The following CXCL2 variants were observed in gnomAD, a reference collection of about 807,000 sequenced individuals.
The protein encoded by CXCL2 is C-X-C motif chemokine ligand 2, also known as C-X-C motif chemokine 2.
Under a neutral mutation model 11.2 loss-of-function variants are expected in CXCL2, and 12 were observed. That is an observed-to-expected ratio of 1.08 (90% CI 0.69 to 1.74). CXCL2 has a LOEUF of 1.74. CXCL2 is among the 40% of genes most tolerant of loss of function. The pLI is 0.00. For missense variants in CXCL2, 120 were observed against 137.8 expected (o/e 0.87, Z 0.65); for synonymous variants, 68 against 61.9 (o/e 1.10, Z -0.47).
chr4:74,097,588 A>AATAC lies in CXCL2; in HGVS notation c.*167_*168insGTAT. Reference sequence around the variant, plus strand: ...AACATAGAATCTTCTAAAACAAACAAATAAATAAATAAATAAATAAATAGA... The same window carrying AATAC: ...AACATAGAATCTTCTAAAACAAACAAATACATAAATAAATAAATAAATAAATAGA... On this transcript the variant is annotated 3_prime_UTR_variant, in exon 4 of 4. Transcript: ENST00000508487. The AATAC allele has an allele frequency of 2.4e-6, 1 of 421,632 alleles. No individual in the cohort carries two copies. The highest frequency in any genetic ancestry group is 4.0e-5 in the East Asian group (1 of 24,816). The allele number at this position is 421,632 out of a possible 1,614,324, so 26.1% of individuals were successfully genotyped here.
rs930520676 is a variant in CXCL2, at chr4:74,099,004, A to G, written c.100+17T>C. On this transcript the variant is annotated intron_variant, in intron 1 of 3. Transcript: ENST00000508487. ...CAGCCGCGTCCGGCCCGGGGACCCC[A>G]GGGCGCCGGGACCCACCTGCTGCGC... 3.9e-6 allele frequency: 6 copies of G among 1,546,216 alleles called. No individual in the cohort carries two copies. In the African/African-American group the frequency reaches 7.2e-5, roughly 18 times the overall value.
In CXCL2 at chr4:74,098,600, C is replaced by T. The variant is rs747835145; in HGVS notation, c.308+1G>A. On this transcript the variant is annotated splice_donor_variant, in intron 3 of 3. Transcript: ENST00000508487. LOFTEE classifies it high-confidence loss of function. ...CTGTGTACATGGAAATTATAACTTA[C>T]TTTTTCAGCATCTTTTCGATGATTT... The T allele has an allele frequency of 2.5e-6, 4 of 1,613,972 alleles. No homozygotes were observed. The highest frequency in any genetic ancestry group is 1.6e-4 in the Middle Eastern group (1 of 6,062).
intron 3 of CXCL2, 107 bp downstream of exon 3, chr4:74,098,494 G>T (rs1361645549): frequency 1.7e-6 from 2 of 1,153,292 alleles, no homozygotes; most frequent in Non-Finnish European, 2.5e-6. Context: ...AATTTTTTCA[G>T]TCCTGCAGCT....
At position 74,098,917 on chromosome 4, in the gene CXCL2, G is replaced by A. The variant is rs1389831071; in HGVS notation, c.106C>T (p.Pro36Ser). Residue 36 changes from proline (P) to serine (S), a missense_variant, in exon 2 of 4, where the codon CCC (proline) becomes TCC (serine). Transcript: ENST00000508487. ...VAASRRAAGAPLATELRCQCL... is the reference protein window; with the variant it reads ...VAASRRAAGASLATELRCQCL... ...TGGCAGCGCAGTTCAGTGGCCAGGG[G>A]CGCTCCTAGGGAAGAAGAGACTCGC... 8.7e-6 allele frequency: 14 copies of A among 1,613,662 alleles called. No homozygotes were observed. The highest frequency in any genetic ancestry group is 1.1e-5 in the Non-Finnish European group (13 of 1,179,900).
Position 74,097,767 on chromosome 4 carries a change from T to C in CXCL2, c.313A>G (p.Lys105Glu). ...KIIEKMLKNG[K>E]SN Reference sequence around the variant, plus strand: ...CTCCTTCCTTCTGGTCAGTTGGATTTGCCACTGTAATGAGAAAATGGGTGC... The same window carrying C: ...CTCCTTCCTTCTGGTCAGTTGGATTCGCCACTGTAATGAGAAAATGGGTGC... The change falls in exon 4 of 4, where the codon AAA becomes GAA. Residue 105 changes from lysine (K) to glutamate (E), a missense_variant. Lys to Glu is a moderately conservative substitution (Grantham distance 56). Coordinates refer to ENST00000508487, the MANE Select transcript of CXCL2 (RefSeq NM_002089.4). The C allele has an allele frequency of 3.7e-6, 6 of 1,602,446 alleles. No individual in the cohort carries two copies. The highest frequency in any genetic ancestry group is 5.1e-6 in the Non-Finnish European group (6 of 1,172,924).
intron 3 of CXCL2, 36 bp from the exon 4 acceptor site, chr4:74,097,807 C>T (rs199904873): frequency 4.4e-6 from 7 of 1,574,294 alleles, no homozygotes; most frequent in Non-Finnish European, 6.0e-6. Context: ...AGTAGGTGCT[C>T]AGGAAAGCTG....
intron 3 of CXCL2, among the ~76,000 whole-genome samples, chr4:74,098,272 A>T (rs1282780278): frequency 6.6e-6 from 1 of 152,224 alleles, no homozygotes; most frequent in East Asian, 1.9e-4. Flanking sequence ...TCTGAAAGTC[A>T]GTAGGAACTA....
intron 1 of CXCL2, 47 bp downstream of exon 1, chr4:74,098,974 C>T (rs774070216): frequency 6.3e-7 from 1 of 1,590,968 alleles, no homozygotes; most frequent in Non-Finnish European, 8.5e-7. Context: ...GCGGGGCGCC[C>T]ACCCCAGCCG....
chr4:74,099,008 C>T lies in CXCL2; in HGVS notation c.100+13G>A. 3 of 1,538,378 alleles carry T rather than the reference C, an allele frequency of 2.0e-6. No homozygotes were observed. In the South Asian group the frequency reaches 3.7e-5, roughly 19 times the overall value. On this transcript the variant is annotated intron_variant, in intron 1 of 3. Transcript: ENST00000508487. ...CGCGTCCGGCCCGGGGACCCCAGGG[C>T]GCCGGGACCCACCTGCTGCGCGCCG...
rs1271330510 is a variant in CXCL2 at position 74,097,395 on chromosome 4, C to T, written c.*361G>A. The T allele has an allele frequency of 6.4e-6, 1 of 155,778 alleles. No individual in the cohort carries two copies. Among genetic ancestry groups the T allele is most frequent in the Non-Finnish European group, 1.4e-5 (1 of 70,490 alleles). 9.6% of individuals were successfully genotyped at this position (155,778 alleles called of 1,614,324 possible). A position where few individuals can be genotyped will look rare whatever the true frequency, so the allele number is the denominator to read the frequency against. On this transcript the variant is annotated 3_prime_UTR_variant, in exon 4 of 4. Coordinates refer to ENST00000508487, the MANE Select transcript of CXCL2 (RefSeq NM_002089.4). Reference sequence around the variant, plus strand: ...GTGGCTGACATGTGATATGTCATCACGAAGAAATATTAACAAATGACTAGA... The same window carrying T: ...GTGGCTGACATGTGATATGTCATCATGAAGAAATATTAACAAATGACTAGA...
Position 74,099,131 on chromosome 4 carries a change from A to C in CXCL2, c.-11T>G. On this transcript the variant is annotated 5_prime_UTR_variant, in exon 1 of 4. Coordinates refer to ENST00000508487, the MANE Select transcript of CXCL2 (RefSeq NM_002089.4). ...CGTGGCGCGGGCCATGGGGCTCAGC[A>C]GGCGGTTCGAGCGGCTGTGCGAGGA... 6.7e-6 allele frequency: 10 copies of C among 1,482,668 alleles called. No individual in the cohort carries two copies. The highest frequency in any genetic ancestry group is 8.9e-6 in the Non-Finnish European group (10 of 1,119,352). 91.8% of individuals were successfully genotyped at this position (1,482,668 alleles called of 1,614,324 possible).
rs1721333654 is a variant in CXCL2 at position 74,098,673 on chromosome 4, T to C, written c.236A>G (p.Lys79Arg). 4 of 1,614,176 alleles carry C rather than the reference T, an allele frequency of 2.5e-6. No individual in the cohort carries two copies. In the East Asian group the frequency reaches 6.7e-5, roughly 27 times the overall value. ...CAQTEVIATLKNGQKACLNPA... is the reference protein window; with the variant it reads ...CAQTEVIATLRNGQKACLNPA... ...GTTGAGACAAGCTTTCTGCCCATTC[T>C]TGAGTGTGGCTCTGCAGAGAGAAGG... The change falls in exon 3 of 4, where the codon AAG becomes AGG. Residue 79 changes from lysine to arginine, a missense_variant. Lys to Arg is a conservative substitution (Grantham distance 26). Coordinates refer to ENST00000508487, the MANE Select transcript of CXCL2 (RefSeq NM_002089.4).
chr4:74,098,606 CA>C lies in CXCL2; in HGVS notation c.302del (p.Leu101ArgfsTer52). The C allele has an allele frequency of 6.2e-7, 1 of 1,613,998 alleles. No homozygotes were observed. The highest frequency in any genetic ancestry group is 8.5e-7 in the Non-Finnish European group (1 of 1,179,908). On this transcript the variant is annotated frameshift_variant, in exon 3 of 4. Coordinates refer to ENST00000508487, the MANE Select transcript of CXCL2 (RefSeq NM_002089.4). LOFTEE classifies it high-confidence loss of function. ...PMVKKIIEKM[L>X]KNGKSN is the part of the protein sequence containing the mutation. The stretch of plus-strand genomic sequence containing the variant: ...ACATGGAAATTATAACTTACTTTTT[CA>C]GCATCTTTTCGATGATTTTCTTAAC...
rs368146276 is a variant in CXCL2 at position 74,098,816 on chromosome 4, G to T, written c.207C>A (p.Cys69Ter). 2.3e-5 allele frequency: 37 copies of T among 1,613,972 alleles called. No homozygotes were observed. Among genetic ancestry groups the T allele is most frequent in the Non-Finnish European group, 2.8e-5 (33 of 1,179,970 alleles). The change falls in exon 2 of 4, where the codon TGC (cysteine) becomes TGA (stop). Residue 69 changes from cysteine (C) to a stop codon, truncating the protein, a stop_gained. Transcript: ENST00000508487. LOFTEE classifies it high-confidence loss of function. ...SVKVKSPGPH[C>*]AQTEVIATLK... ...AGACTTACATGACTTCGGTTTGGGC[G>T]CAGTGGGGTCCGGGGGACTTCACCT...
Position 74,098,703 on chromosome 4 carries a change from C to T in CXCL2, c.225-19G>A, listed in dbSNP as rs200214601. Reference sequence around the variant, plus strand: ...TGTGGCTCTGCAGAGAGAAGGGAATCTCGTGAGACAGGAGGTCGGGCTGAG... The same window carrying T: ...TGTGGCTCTGCAGAGAGAAGGGAATTTCGTGAGACAGGAGGTCGGGCTGAG... On this transcript the variant is annotated intron_variant, in intron 2 of 3. Transcript: ENST00000508487. 6 of 1,614,046 alleles carry T rather than the reference C, an allele frequency of 3.7e-6. No individual in the cohort carries two copies. The highest frequency in any genetic ancestry group is 2.2e-5 in the East Asian group (1 of 44,872).
chr4:74,097,731 C>G lies in CXCL2; in HGVS notation c.*25G>C, dbSNP rs571020474. 1.9e-6 allele frequency: 3 copies of G among 1,598,068 alleles called. No individual in the cohort carries two copies. The highest frequency in any genetic ancestry group is 3.4e-5 in the Admixed American group (2 of 58,700). On this transcript the variant is annotated 3_prime_UTR_variant, in exon 4 of 4. Coordinates refer to ENST00000508487, the MANE Select transcript of CXCL2 (RefSeq NM_002089.4). ...CAGGGCCTCCTTCAGGAACAGCCACCAATAAGCTTCCTCCTTCCTTCTGGT... is the reference window on the plus strand; with the variant it reads ...CAGGGCCTCCTTCAGGAACAGCCACGAATAAGCTTCCTCCTTCCTTCTGGT...
intron 3 of CXCL2, among the ~76,000 whole-genome samples, chr4:74,097,974 A>G (rs1359977447): frequency 6.6e-6 from 1 of 152,172 alleles, no homozygotes; most frequent in Non-Finnish European, 1.5e-5. Context: ...AATGGGGGTG[A>G]CGTGGGGTGG....
intron 3 of CXCL2, 128 bp downstream of exon 3, chr4:74,098,473 G>A: frequency 1.0e-6 from 1 of 991,922 alleles, no homozygotes; most frequent in Non-Finnish European, 1.5e-6. Flanking sequence ...TGGCAACTTT[G>A]TGAAAATAAT....
rs33950486 is a variant in CXCL2, at chr4:74,097,586, C to CAAACAAAT, written c.*169_*170insATTTGTTT. 2.8e-6 allele frequency: 1 copy of CAAACAAAT among 362,338 alleles called. No individual in the cohort carries two copies. Among genetic ancestry groups the CAAACAAAT allele is most frequent in the Non-Finnish European group, 4.7e-6 (1 of 210,674 alleles). 22.4% of individuals were successfully genotyped at this position (362,338 alleles called of 1,614,324 possible). On this transcript the variant is annotated 3_prime_UTR_variant, in exon 4 of 4. Coordinates refer to ENST00000508487, the MANE Select transcript of CXCL2 (RefSeq NM_002089.4). ...TTAACATAGAATCTTCTAAAACAAACAAATAAATAAATAAATAAATAAATA... is the reference window on the plus strand; with the variant it reads ...TTAACATAGAATCTTCTAAAACAAACAAACAAATAAATAAATAAATAAATAAATAAATA...
Sources: gnomAD v4.1 joint callset for allele counts (sites outside exome capture counted in the v4.1 genomes callset) on GRCh38, gnomAD v4.1.1 for gene constraint, MANE v1.5 for transcripts, NCBI Gene and HGNC (gene_info 2026-07-23, HGNC 2026-07-21) for gene names.